The following SHROOM2 variants were observed in gnomAD, a reference collection of about 807,000 sequenced individuals.
SHROOM2 encodes protein Shroom2.
SHROOM2 carries 33 observed loss-of-function variants against 75.9 expected under a neutral mutation model. The ratio of observed to expected loss-of-function variants is 0.43; its 90% confidence interval spans 0.33 to 0.58. The LOEUF (loss-of-function observed/expected upper bound fraction) is 0.58. Among genes scored for constraint, SHROOM2 ranks in the 20% least tolerant of loss-of-function variants. The pLI is 0.04. For synonymous variants in SHROOM2, 655 were observed against 663.6 expected (o/e 0.99, Z 0.20); for missense variants, 1,434 against 1,461.2 (o/e 0.98, Z 0.30).
chrX:9,884,780 G>A (rs756653698), intron 2 of SHROOM2, among the ~76,000 whole-genome samples: 3 of 111,415 alleles, frequency 2.7e-5, no homozygotes, highest in Admixed American at 9.5e-5. Context: ...CATGGGGAAG[G>A]GATTTCAGGG....
At position 9,792,160 on chromosome X, in the gene SHROOM2, A is replaced by T. The variant is rs1289124880; in HGVS notation, c.165+5450A>T. Among the ~76,000 whole-genome samples the T allele has an allele frequency of 1.0e-3, 6 of 5,784 alleles. 1 individual carries two copies. The highest frequency in any genetic ancestry group is 3.0e-3 in the African/African-American group (5 of 1,652). 5.0% of individuals were successfully genotyped at this position (5,784 alleles called of 115,157 possible). ...AGAATAGAATAGAATAGAATAGAAT[A>T]ATCACCAGTATCTGATACAGGGAGG... On this transcript the variant is annotated intron_variant, in intron 1 of 9. Coordinates refer to ENST00000380913, the MANE Select transcript of SHROOM2 (RefSeq NM_001649.4).
At chrX:9,919,169 G>A (rs1046320753) in intron 5 of SHROOM2, among the ~76,000 whole-genome samples, 5 of 110,786 alleles carry the variant, frequency 4.5e-5, no homozygotes, top group Admixed American at 3.9e-4. Flanking sequence ...GAGCACAGTC[G>A]TTTCAGCTAG....
chrX:9,926,311 A>G (rs1393858324), intron 5 of SHROOM2, among the ~76,000 whole-genome samples: 1 of 111,872 alleles, frequency 8.9e-6, no homozygotes, highest in Non-Finnish European at 1.9e-5. Context: ...GTCCCTAATC[A>G]GAAGGTCTGA....
At chrX:9,870,806 G>T (rs1399366791) in intron 1 of SHROOM2, among the ~76,000 whole-genome samples, 1 of 112,325 alleles carries the variant, frequency 8.9e-6, no homozygotes, top group East Asian at 2.8e-4. Context: ...GATTGGTTAT[G>T]TCTAAAACTT....
At chrX:9,852,047 A>G (rs1351752039) in intron 1 of SHROOM2, among the ~76,000 whole-genome samples, 2 of 111,587 alleles carry the variant, frequency 1.8e-5, no homozygotes, top group East Asian at 2.8e-4. Context: ...TTAAAGAGTT[A>G]TGGTCCAGTA....
At chrX:9,825,946 G>A (rs1049847235) in intron 1 of SHROOM2, among the ~76,000 whole-genome samples, 1 of 112,472 alleles carries the variant, frequency 8.9e-6, no homozygotes, top group Non-Finnish European at 1.9e-5. Flanking sequence ...AACCGTGTGT[G>A]TTCCCACAGA....
At chrX:9,799,592 T>G (rs1853041681) in intron 1 of SHROOM2, among the ~76,000 whole-genome samples, 1 of 111,717 alleles carries the variant, frequency 9.0e-6, no homozygotes, top group Non-Finnish European at 1.9e-5. Flanking sequence ...CTATGAAAAC[T>G]CTTTATTTCC....
At chrX:9,789,911 G>T (rs1019207529) in intron 1 of SHROOM2, among the ~76,000 whole-genome samples, 1 of 112,253 alleles carries the variant, frequency 8.9e-6, no homozygotes, top group Admixed American at 9.4e-5. Context: ...TTTTCGGGTT[G>T]CCATTGGGCA....
At chrX:9,800,205 A>G (rs1322021349) in intron 1 of SHROOM2, among the ~76,000 whole-genome samples, 1 of 111,896 alleles carries the variant, frequency 8.9e-6, no homozygotes, top group Non-Finnish European at 1.9e-5. Context: ...TTCACATGAC[A>G]GACTCTTGAG....
chrX:9,802,322 C>G (rs766456824), intron 1 of SHROOM2, among the ~76,000 whole-genome samples: 49 of 112,042 alleles, frequency 4.4e-4, no homozygotes, highest in Non-Finnish European at 7.9e-4. Context: ...GAATCTCAGC[C>G]CCTGCCCCAT....
intron 1 of SHROOM2, among the ~76,000 whole-genome samples, chrX:9,807,889 A>G (rs748653583): frequency 5.5e-4 from 61 of 111,364 alleles, no homozygotes; most frequent in African/African-American, 1.7e-3. Context: ...TTAAGGTTCA[A>G]TGTCAAGGGG....
At chrX:9,887,037 TA>T (rs1174230448) in intron 2 of SHROOM2, among the ~76,000 whole-genome samples, 152 of 112,706 alleles carry the variant, frequency 1.3e-3, no homozygotes, top group African/African-American at 4.7e-3. Context: ...CGGGATTGTT[TA>T]GCCTTCTCAG....
chrX:9,822,691 C>T (rs754758993), intron 1 of SHROOM2, among the ~76,000 whole-genome samples: 1 of 112,574 alleles, frequency 8.9e-6, no homozygotes, highest in Non-Finnish European at 1.9e-5. Flanking sequence ...CTCAGTGCCA[C>T]GCAGGTGGCA....
chrX:9,824,743 G>A (rs763739794), intron 1 of SHROOM2, among the ~76,000 whole-genome samples: 71 of 111,907 alleles, frequency 6.3e-4, no homozygotes, highest in African/African-American at 2.2e-3. Flanking sequence ...AGCCTGACAC[G>A]ACACACAACC....
intron 1 of SHROOM2, among the ~76,000 whole-genome samples, chrX:9,843,916 C>T (rs1244515738): frequency 1.2e-4 from 13 of 112,462 alleles, no homozygotes; most frequent in East Asian, 8.3e-4. Flanking sequence ...TCATTACACA[C>T]GATATGTTTT....
At chrX:9,827,975 C>T (rs1408944408) in intron 1 of SHROOM2, among the ~76,000 whole-genome samples, 4 of 111,928 alleles carry the variant, frequency 3.6e-5, no homozygotes, top group Middle Eastern at 4.6e-3. Flanking sequence ...CAGGTCCTGC[C>T]CCAGTCCTGC....
At chrX:9,809,718 G>C (rs969174293) in intron 1 of SHROOM2, among the ~76,000 whole-genome samples, 12 of 112,510 alleles carry the variant, frequency 1.1e-4, no homozygotes, top group Non-Finnish European at 2.1e-4. Context: ...GCCCAGGCTG[G>C]AGTGCAGTGG....
In SHROOM2 at chrX:9,864,420, A is replaced by G. The variant is rs1406760792; in HGVS notation, c.166-9232A>G. Among the ~76,000 whole-genome samples, 3 of 111,264 alleles carry G rather than the reference A, an allele frequency of 2.7e-5. No homozygotes were observed. In the East Asian group the frequency reaches 8.5e-4, roughly 31 times the overall value. Reference sequence around the variant, plus strand: ...CCATGGGCTCACACCTATAATACCAACACTTTGGGAGACCAAAGCAGGAGG... The same window carrying G: ...CCATGGGCTCACACCTATAATACCAGCACTTTGGGAGACCAAAGCAGGAGG... On this transcript the variant is annotated intron_variant, in intron 1 of 9. Transcript: ENST00000380913.
At chrX:9,809,511 C>T (rs968766629) in intron 1 of SHROOM2, among the ~76,000 whole-genome samples, 1 of 111,944 alleles carries the variant, frequency 8.9e-6, no homozygotes, top group Non-Finnish European at 1.9e-5. Flanking sequence ...AAGTCCACCC[C>T]TTGTCAATGT....
Sources: allele counts gnomAD v4.1 joint callset (sites outside exome capture counted in the v4.1 genomes callset), GRCh38; gene constraint gnomAD v4.1.1; transcripts MANE v1.5; gene names NCBI Gene and HGNC (gene_info 2026-07-23, HGNC 2026-07-21).